PTPRD: variants seen among roughly 807,000 people sequenced by gnomAD.
The protein encoded by PTPRD is receptor-type tyrosine-protein phosphatase delta.
A neutral mutation model predicts 214.5 loss-of-function variants in PTPRD; 34 were observed. That is an observed-to-expected ratio of 0.16 (90% confidence interval 0.12 to 0.21). The LOEUF (loss-of-function observed/expected upper bound fraction) is 0.21. PTPRD is among the 10% of genes least tolerant of loss of function. PTPRD has a pLI of 1.00. For missense variants in PTPRD, 2,545 were observed against 2,398.7 expected (o/e 1.06, Z -1.27); for synonymous variants, 1,128 against 845.7 (o/e 1.33, Z -5.79).
intron 9 of PTPRD, among the ~76,000 whole-genome samples, chr9:9,374,232 G>A (rs1366882566): frequency 6.6e-6 from 1 of 151,878 alleles, no homozygotes; most frequent in African/African-American, 2.4e-5. Flanking sequence ...GCTGCCAAGG[G>A]GGACAGGAAT....
intron 2 of PTPRD, among the ~76,000 whole-genome samples, chr9:10,538,297 A>AAT (rs921916699): frequency 2.8e-5 from 4 of 140,450 alleles, no homozygotes; most frequent in African/African-American, 1.1e-4. Context: ...TAAATAAATA[A>AAT]AAAGGGAGAG....
intron 9 of PTPRD, among the ~76,000 whole-genome samples, chr9:9,334,377 G>C (rs76136481): frequency 6.6e-6 from 1 of 151,896 alleles, no homozygotes; most frequent in East Asian, 1.9e-4. Context: ...GCAAGCATCA[G>C]GTCAGTATTC....
Position 9,563,333 on chromosome 9 carries a change from A to C in PTPRD, c.-237+11399T>G, listed in dbSNP as rs144468029. 4.1e-3 allele frequency among the ~76,000 whole-genome samples: 630 copies of C among 152,276 alleles called. 29 individuals carry two copies. Among genetic ancestry groups the C allele is most frequent in the Admixed American group, 0.038 (575 of 15,280 alleles). On this transcript the variant is annotated intron_variant, in intron 8 of 45. Transcript: ENST00000381196. ...TATGGATAGACTATTATAAGGTGGG[A>C]TCAGAATGCTTTGACAATATGATAA...
chr9:8,566,313 G>A (rs536520551), intron 14 of PTPRD, among the ~76,000 whole-genome samples: 1 of 152,230 alleles, frequency 6.6e-6, no homozygotes, highest in South Asian at 2.1e-4. Flanking sequence ...TTCGAAATCT[G>A]TACGAATAGC....
chr9:8,756,827 T>C (rs2094022249), intron 11 of PTPRD, among the ~76,000 whole-genome samples: 2 of 151,616 alleles, frequency 1.3e-5, no homozygotes, highest in Non-Finnish European at 2.9e-5. Context: ...AGCCAAAGAG[T>C]TGAAATATGG....
intron 8 of PTPRD, among the ~76,000 whole-genome samples, chr9:9,413,053 G>A (rs1018066465): frequency 2.0e-5 from 3 of 148,216 alleles, no homozygotes; most frequent in African/African-American, 7.4e-5. Flanking sequence ...TATTTGTGAT[G>A]AGGACAGTCA....
intron 9 of PTPRD, among the ~76,000 whole-genome samples, chr9:9,247,736 T>C (rs948601460): frequency 6.4e-4 from 97 of 152,016 alleles, no homozygotes; most frequent in Admixed American, 6.2e-3. Context: ...ACAATAGTAG[T>C]TCTCCATCTT....
chr9:8,471,121 T>C (rs751767441), intron 30 of PTPRD, 36 bp from the exon 31 acceptor site: 4 of 1,576,002 alleles, frequency 2.5e-6, no homozygotes, highest in East Asian at 2.2e-5. Context: ...TTAGGTTAGT[T>C]GAAAGGAGGA....
chr9:10,491,940 A>C (rs1388659246), intron 2 of PTPRD, among the ~76,000 whole-genome samples: 2 of 152,042 alleles, frequency 1.3e-5, no homozygotes, highest in Non-Finnish European at 2.9e-5. Context: ...TTCAACTCCC[A>C]CTTATGAGTG....
At chr9:9,908,390 C>G (rs991622381) in intron 5 of PTPRD, among the ~76,000 whole-genome samples, 1 of 151,930 alleles carries the variant, frequency 6.6e-6, no homozygotes, top group Non-Finnish European at 1.5e-5. Flanking sequence ...AGGGGTCTCT[C>G]CAGCCTGTCT....
chr9:10,600,970 T>G (rs2077816207), intron 2 of PTPRD, among the ~76,000 whole-genome samples: 1 of 151,728 alleles, frequency 6.6e-6, no homozygotes, highest in Non-Finnish European at 1.5e-5. Flanking sequence ...CTAACTAAAT[T>G]ATTCAATTTA....
chr9:9,453,237 A>G (rs2145407215), intron 8 of PTPRD, among the ~76,000 whole-genome samples: 1 of 151,730 alleles, frequency 6.6e-6, no homozygotes, highest in Non-Finnish European at 1.5e-5. Flanking sequence ...CAAGCCATCT[A>G]TATCATGTAG....
At chr9:9,226,664 G>A (rs1471506207) in intron 9 of PTPRD, among the ~76,000 whole-genome samples, 1 of 152,036 alleles carries the variant, frequency 6.6e-6, no homozygotes, top group Non-Finnish European at 1.5e-5. Flanking sequence ...GTTGGAATGA[G>A]CCACAGTTTC....
intron 10 of PTPRD, among the ~76,000 whole-genome samples, chr9:9,140,936 A>G (rs1251745472): frequency 6.6e-6 from 1 of 152,170 alleles, no homozygotes; most frequent in Non-Finnish European, 1.5e-5. Context: ...ATGAAGCTGG[A>G]CTACCTTTCT....
At chr9:9,642,316 G>C (rs1452995102) in intron 7 of PTPRD, among the ~76,000 whole-genome samples, 1 of 147,756 alleles carries the variant, frequency 6.8e-6, no homozygotes, top group Non-Finnish European at 1.5e-5. Context: ...CCTAAGGCTA[G>C]ATGACGAGTT....
At chr9:8,723,988 T>C (rs1367642817) in intron 12 of PTPRD, among the ~76,000 whole-genome samples, 1 of 152,200 alleles carries the variant, frequency 6.6e-6, no homozygotes, top group Non-Finnish European at 1.5e-5. Flanking sequence ...CTATTGCAAA[T>C]TGTACAGTGA....
intron 7 of PTPRD, among the ~76,000 whole-genome samples, chr9:9,633,818 CA>C (rs552923127): frequency 9.5e-4 from 144 of 152,112 alleles, no homozygotes; most frequent in African/African-American, 3.3e-3. Flanking sequence ...AAGACTATTT[CA>C]AAATAATGTG....
chr9:9,056,655 T>G (rs973417090), intron 10 of PTPRD, among the ~76,000 whole-genome samples: 1 of 152,156 alleles, frequency 6.6e-6, no homozygotes, highest in African/African-American at 2.4e-5. Flanking sequence ...CAGTAATGGT[T>G]TTTTGGGATT....
At chr9:9,326,684 G>A (rs1313893823) in intron 9 of PTPRD, among the ~76,000 whole-genome samples, 1 of 151,330 alleles carries the variant, frequency 6.6e-6, no homozygotes, top group Non-Finnish European at 1.5e-5. Flanking sequence ...AAAGACAAAT[G>A]AATCCTGAAA....
Sources: allele counts gnomAD v4.1 joint callset (sites outside exome capture counted in the v4.1 genomes callset), GRCh38; gene constraint gnomAD v4.1.1; transcripts MANE v1.5; gene names NCBI Gene and HGNC (gene_info 2026-07-23, HGNC 2026-07-21).